ERC1: variants seen among roughly 807,000 people sequenced by gnomAD.
The protein encoded by ERC1 is RAB6 interacting protein 2.
Under a neutral mutation model 132.0 loss-of-function variants are expected in ERC1, and 56 were observed. The observed-to-expected ratio is 0.42, with a 90% CI of 0.34 to 0.53. The LOEUF (loss-of-function observed/expected upper bound fraction) is 0.53. Among genes scored for constraint, ERC1 ranks in the 20% least tolerant of loss-of-function variants. ERC1 has a pLI of 0.03. For synonymous variants in ERC1, 478 were observed against 476.1 expected, an observed-to-expected ratio of 1.00 and a Z score of -0.05; for missense variants, 1,202 against 1,349.9, an observed-to-expected ratio of 0.89 and a Z score of 1.72.
intron 16 of ERC1, among the ~76,000 whole-genome samples, chr12:1,374,463 A>G (rs1026523328): frequency 1.3e-5 from 2 of 152,152 alleles, no homozygotes; most frequent in African/African-American, 4.8e-5. Context: ...CATCAGAGGA[A>G]GGGGCCAGGG....
chr12:1,478,719 G>A (rs2094024746), intron 18 of ERC1, among the ~76,000 whole-genome samples: 2 of 152,144 alleles, frequency 1.3e-5, no homozygotes, highest in Middle Eastern at 3.4e-3. Context: ...AACCCGGGAT[G>A]TGGAGCTTGC....
At chr12:1,163,148 C>A (rs1175876790) in intron 8 of ERC1, among the ~76,000 whole-genome samples, 1 of 152,080 alleles carries the variant, frequency 6.6e-6, no homozygotes, top group African/African-American at 2.4e-5. Context: ...GTTTAACTTG[C>A]AAAGTATTAT....
intron 17 of ERC1, chr12:1,430,231 C>T (rs1054261389): frequency 2.0e-5 from 3 of 152,210 alleles, no homozygotes; most frequent in African/African-American, 7.2e-5. Flanking sequence ...GCCACAATGC[C>T]TTTTATGACC....
intron 15 of ERC1, among the ~76,000 whole-genome samples, chr12:1,335,474 C>T (rs1033910305): frequency 6.6e-6 from 1 of 152,090 alleles, no homozygotes; most frequent in African/African-American, 2.4e-5. Context: ...CTTTCTGCAT[C>T]TGTTGTGATA....
intron 2 of ERC1, among the ~76,000 whole-genome samples, chr12:1,049,883 A>G (rs1219376281): frequency 6.6e-6 from 1 of 150,452 alleles, no homozygotes; most frequent in Non-Finnish European, 1.5e-5. Context: ...CTCCTGATTT[A>G]CAGGCATGTG....
intron 17 of ERC1, among the ~76,000 whole-genome samples, chr12:1,438,952 A>ATATATATATATATATATATATATATATAT (rs1555093159): frequency 7.8e-5 from 9 of 114,954 alleles, no homozygotes; most frequent in Admixed American, 3.3e-4. Flanking sequence ...AATTTAAAAA[A>ATATATATATATATATATATATATATATAT]AAATATATAT....
rs558531809 is a variant in ERC1 at position 1,476,740 on chromosome 12, C to A, written c.3214-13353C>A. Among the ~76,000 whole-genome samples, 5 of 152,248 alleles carry A rather than the reference C, an allele frequency of 3.3e-5. No homozygotes were observed. In the South Asian group the frequency reaches 6.2e-4, roughly 19 times the overall value. ...CTGGTTACTTGTCAAAAGCTTTACA[C>A]AGGTCTATACCCTTTGACTCGGGAA... On this transcript the variant is annotated intron_variant, in intron 18 of 18. Coordinates refer to ENST00000360905, the MANE Select transcript of ERC1 (RefSeq NM_178040.4).
chr12:1,332,328 T>C (rs1196495458), intron 15 of ERC1, among the ~76,000 whole-genome samples: 1 of 152,256 alleles, frequency 6.6e-6, no homozygotes, highest in Non-Finnish European at 1.5e-5. Flanking sequence ...AGAAATTGAT[T>C]AGACCTTTTA....
chr12:1,027,326 T>C (rs902039478), intron 1 of ERC1: 10 of 152,394 alleles, frequency 6.6e-5, no homozygotes, highest in African/African-American at 2.2e-4. Context: ...AGTCAGATAT[T>C]CAGACATTGA....
At chr12:1,311,687 A>T (rs556754107) in intron 15 of ERC1, among the ~76,000 whole-genome samples, 1 of 152,280 alleles carries the variant, frequency 6.6e-6, no homozygotes, top group East Asian at 1.9e-4. Flanking sequence ...AATGGTACCG[A>T]TCCAGTTGGC....
At chr12:1,282,921 C>A (rs1031148503) in intron 14 of ERC1, among the ~76,000 whole-genome samples, 1 of 152,118 alleles carries the variant, frequency 6.6e-6, no homozygotes, top group South Asian at 2.1e-4. Context: ...TGGAGACTTA[C>A]GCCTTTTACT....
intron 8 of ERC1, among the ~76,000 whole-genome samples, chr12:1,149,199 C>T (rs1176894193): frequency 2.0e-5 from 3 of 151,498 alleles, no homozygotes; most frequent in African/African-American, 4.8e-5. Flanking sequence ...CTTGGTAAAA[C>T]GTGCAGTTTT....
intron 15 of ERC1, among the ~76,000 whole-genome samples, chr12:1,340,818 T>G (rs948148545): frequency 1.3e-5 from 2 of 152,042 alleles, no homozygotes; most frequent in Non-Finnish European, 2.9e-5. Flanking sequence ...GAGGCTCGTT[T>G]CCAATTCCTG....
At chr12:1,042,102 A>G (rs1333866822) in intron 2 of ERC1, among the ~76,000 whole-genome samples, 1 of 151,744 alleles carries the variant, frequency 6.6e-6, no homozygotes, top group East Asian at 2.0e-4. Context: ...CAGTGGTGTG[A>G]TCTCCGCTCA....
chr12:1,382,055 A>G (rs1566728792), intron 16 of ERC1, among the ~76,000 whole-genome samples: 1 of 152,174 alleles, frequency 6.6e-6, no homozygotes, highest in Admixed American at 6.5e-5. Context: ...TTCTATAACC[A>G]TTCCTGTCTT....
chr12:1,267,571 C>T (rs564834717), intron 14 of ERC1, among the ~76,000 whole-genome samples: 8 of 152,212 alleles, frequency 5.3e-5, no homozygotes, highest in East Asian at 1.9e-4. Context: ...CCAACCTGTA[C>T]GACAATGCGA....
At chr12:1,385,532 G>GCCCA (rs1566736817) in intron 16 of ERC1, among the ~76,000 whole-genome samples, 1 of 152,120 alleles carries the variant, frequency 6.6e-6, no homozygotes, top group Non-Finnish European at 1.5e-5. Flanking sequence ...GATAACGCCC[G>GCCCA]CCTCAGCCTC....
chr12:1,348,194 G>T (rs1427090517), intron 15 of ERC1, among the ~76,000 whole-genome samples: 1 of 152,110 alleles, frequency 6.6e-6, no homozygotes, highest in Non-Finnish European at 1.5e-5. Flanking sequence ...TCCTGGTTTC[G>T]ATTTCTTTCC....
At chr12:1,034,266 A>C (rs188655296) in intron 2 of ERC1, among the ~76,000 whole-genome samples, 9 of 152,126 alleles carry the variant, frequency 5.9e-5, no homozygotes, top group African/African-American at 2.2e-4. Context: ...TGGCTGAGAC[A>C]TAATTTTTTA....
Sources: allele counts gnomAD v4.1 joint callset (sites outside exome capture counted in the v4.1 genomes callset), GRCh38; gene constraint gnomAD v4.1.1; transcripts MANE v1.5; gene names NCBI Gene and HGNC (gene_info 2026-07-23, HGNC 2026-07-21).